Variants in NOL4L observed in about 807,000 individuals in gnomAD.
NOL4L encodes nucleolar protein 4 like.
In NOL4L, 7 loss-of-function variants were observed where a neutral mutation model predicts 64.5. The ratio of observed to expected loss-of-function variants is 0.11; its 90% CI spans 0.06 to 0.20. NOL4L has a LOEUF of 0.20. Among genes scored for constraint, NOL4L ranks in the 10% least tolerant of loss-of-function variants. The pLI is 1.00. For synonymous variants in NOL4L, 413 were observed against 401.0 expected (o/e 1.03, Z -0.36); for missense variants, 680 against 967.1 (o/e 0.70, Z 3.94).
At chr20:32,541,041 ACACACAC>A (rs1259070878) in intron 1 of NOL4L, among the ~76,000 whole-genome samples, 4 of 149,826 alleles carry the variant, frequency 2.7e-5, no homozygotes, top group African/African-American at 9.8e-5. Context: ...ACACACACAC[ACACACAC>A]TATTCCCTCT....
intron 9 of NOL4L, 127 bp downstream of exon 9, chr20:32,452,757 C>T: frequency 1.4e-6 from 2 of 1,438,104 alleles, no homozygotes; most frequent in East Asian, 2.3e-5. Context: ...TTGTCTTTGC[C>T]CTCCTGTTCC....
At chr20:32,548,990 G>C in intron 1 of NOL4L, 3 of 213,746 alleles carry the variant, frequency 1.4e-5, no homozygotes, top group Non-Finnish European at 1.9e-5. Flanking sequence ...GAATGTAAGA[G>C]CTAAAACTAT....
chr20:32,495,524 C>T (rs2016653828), intron 4 of NOL4L, among the ~76,000 whole-genome samples: 1 of 152,200 alleles, frequency 6.6e-6, no homozygotes, highest in Non-Finnish European at 1.5e-5. Context: ...ACATGCCTGT[C>T]TGCTGCTGAC....
Position 32,507,127 on chromosome 20 carries a change from A to G in NOL4L, c.699+4220T>C, listed in dbSNP as rs541778208. 2.0e-5 allele frequency among the ~76,000 whole-genome samples: 3 copies of G among 152,316 alleles called. No individual in the cohort carries two copies. The South Asian group carries it at 6.2e-4, about 32-fold the overall frequency. Reference sequence around the variant, plus strand: ...TCTGCTTCCACAGCTAATTTCTACAAGGGGCCTGAAATCTTCCTTCCCTGC... The same window carrying G: ...TCTGCTTCCACAGCTAATTTCTACAGGGGGCCTGAAATCTTCCTTCCCTGC... On this transcript the variant is annotated intron_variant, in intron 4 of 10. Transcript: ENST00000621426.
intron 1 of NOL4L, among the ~76,000 whole-genome samples, chr20:32,561,627 G>A (rs1368104438): frequency 1.3e-5 from 2 of 152,070 alleles, no homozygotes; most frequent in East Asian, 1.9e-4. Context: ...ATGGGGCCAC[G>A]CCCCAGCCAG....
Position 32,557,181 on chromosome 20 carries a change from T to TG in NOL4L, c.321+27388dup, listed in dbSNP as rs1461085388. Reference sequence around the variant, plus strand: ...AAACTGCTGAGCTCATTGCATAAAGTGGGGTCCACCCTCACGCATCCCTGC... The same window carrying TG: ...AAACTGCTGAGCTCATTGCATAAAGTGGGGGTCCACCCTCACGCATCCCTGC... On this transcript the variant is annotated intron_variant, in intron 1 of 10. Transcript: ENST00000621426. Among the ~76,000 whole-genome samples the TG allele has an allele frequency of 8.5e-5, 13 of 152,316 alleles. No individual in the cohort carries two copies. The South Asian group carries it at 2.7e-3, about 32-fold the overall frequency.
At chr20:32,473,683 G>C (rs990372221) in intron 5 of NOL4L, among the ~76,000 whole-genome samples, 1 of 152,134 alleles carries the variant, frequency 6.6e-6, no homozygotes, top group African/African-American at 2.4e-5. Context: ...ACTCTTTAAG[G>C]CTGACCCGTT....
chr20:32,568,173 C>T (rs1979547565), intron 1 of NOL4L, among the ~76,000 whole-genome samples: 2 of 152,098 alleles, frequency 1.3e-5, no homozygotes, highest in East Asian at 3.9e-4. Flanking sequence ...ACACCATCAC[C>T]ACCATCAGCA....
At chr20:32,584,301 G>C (rs1304669234) in intron 1 of NOL4L, among the ~76,000 whole-genome samples, 1 of 151,298 alleles carries the variant, frequency 6.6e-6, no homozygotes, top group Admixed American at 6.6e-5. Flanking sequence ...GGAACATGCT[G>C]GGGTGAGCAG....
chr20:32,529,729 A>G (rs1025548409), intron 1 of NOL4L, among the ~76,000 whole-genome samples: 9 of 152,212 alleles, frequency 5.9e-5, no homozygotes, highest in African/African-American at 2.2e-4. Flanking sequence ...CACTGGCCCC[A>G]ACAAGGCCCT....
At chr20:32,500,787 G>A (rs2016893457) in intron 4 of NOL4L, among the ~76,000 whole-genome samples, 1 of 151,972 alleles carries the variant, frequency 6.6e-6, no homozygotes. Flanking sequence ...ATGAGGTATG[G>A]CAAAAGAGCA....
At chr20:32,558,156 C>T (rs1222771141) in intron 1 of NOL4L, among the ~76,000 whole-genome samples, 4 of 152,152 alleles carry the variant, frequency 2.6e-5, no homozygotes, top group Non-Finnish European at 5.9e-5. Context: ...CCCAGCTTCC[C>T]GAGTTTGCAC....
chr20:32,549,487 T>C, intron 1 of NOL4L, among the ~76,000 whole-genome samples: 1 of 152,166 alleles, frequency 6.6e-6, no homozygotes, highest in East Asian at 1.9e-4. Flanking sequence ...GCATGGTGGC[T>C]CATGCCTGTG....
In NOL4L at chr20:32,553,313, C is replaced by G. The variant is rs376169940; in HGVS notation, c.322-25400G>C. On this transcript the variant is annotated intron_variant, in intron 1 of 10. Coordinates refer to ENST00000621426, the MANE Select transcript of NOL4L (RefSeq NM_001256798.2). ...AACCCACACAGATCTGTGCTCACCT[C>G]TCACCACTCACCCCCACACCCAGGG... is the stretch of plus-strand genomic sequence containing the variant. Among the ~76,000 whole-genome samples, 6 of 152,230 alleles carry G rather than the reference C, an allele frequency of 3.9e-5. 1 individual carries two copies. Among genetic ancestry groups the G allele is most frequent in the African/African-American group, 1.4e-4 (6 of 41,514 alleles).
intron 3 of NOL4L, among the ~76,000 whole-genome samples, chr20:32,512,339 C>G (rs1373158778): frequency 6.6e-6 from 1 of 152,190 alleles, no homozygotes; most frequent in Non-Finnish European, 1.5e-5. Flanking sequence ...ACATGCCACT[C>G]TCACCTCACC....
In NOL4L at chr20:32,464,927, G is replaced by C; in HGVS notation, c.842-8532C>G. 1 of 492,658 alleles carries C rather than the reference G, an allele frequency of 2.0e-6. No homozygotes were observed. The highest frequency in any genetic ancestry group is 3.7e-6 in the Non-Finnish European group (1 of 268,554). 30.5% of individuals were successfully genotyped at this position (492,658 alleles called of 1,614,324 possible). A position where few individuals can be genotyped will look rare whatever the true frequency, so the allele number is the denominator to read the frequency against. On this transcript the variant is annotated intron_variant, in intron 5 of 10. Coordinates refer to ENST00000621426, the MANE Select transcript of NOL4L (RefSeq NM_001256798.2). This position sits in a 1 kb window ranked among gnomAD's most constrained non-coding sequence, Gnocchi z 5.6. ...GAGACGCAGCGTGTATTGCACACCT[G>C]TCTGCACTAGCCTTTTCCAAGGCTC...
At chr20:32,452,202 C>G (rs772591358) in intron 10 of NOL4L, 34 bp downstream of exon 10, 7 of 1,490,072 alleles carry the variant, frequency 4.7e-6, no homozygotes, top group Non-Finnish European at 6.3e-6. Context: ...GGGTGCTGGT[C>G]GGGAAGCCAG....
At chr20:32,525,209 G>A (rs1024475184) in intron 2 of NOL4L, among the ~76,000 whole-genome samples, 1 of 152,246 alleles carries the variant, frequency 6.6e-6, no homozygotes, top group Non-Finnish European at 1.5e-5. Flanking sequence ...CATGGAGGCC[G>A]CAGACCCCTG....
chr20:32,555,680 A>G (rs935863057), intron 1 of NOL4L, among the ~76,000 whole-genome samples: 6 of 152,260 alleles, frequency 3.9e-5, no homozygotes, highest in African/African-American at 1.4e-4. Flanking sequence ...TGTCTTCCCA[A>G]GAAGAGAAGA....
Sources: gnomAD v4.1 joint callset for allele counts (sites outside exome capture counted in the v4.1 genomes callset) on GRCh38, gnomAD v4.1.1 for gene constraint, Gnocchi (gnomAD v3.1) non-coding constraint, MANE v1.5 for transcripts, NCBI Gene and HGNC (gene_info 2026-07-23, HGNC 2026-07-21) for gene names.